The following HSP90AA1 variants were observed in gnomAD, a reference collection of about 807,000 sequenced individuals.
HSP90AA1 encodes heat shock protein HSP 90-alpha.
Under a neutral mutation model 73.3 loss-of-function variants are expected in HSP90AA1, and 18 were observed. The ratio of observed to expected loss-of-function variants is 0.25; its 90% CI spans 0.17 to 0.36. The LOEUF is 0.36. Among genes scored for constraint, HSP90AA1 ranks in the 10% least tolerant of loss-of-function variants. HSP90AA1 has a pLI of 1.00. For synonymous variants in HSP90AA1, 477 were observed against 296.9 expected, an observed-to-expected ratio of 1.61 and a Z score of -6.24; for missense variants, 704 against 874.2, an observed-to-expected ratio of 0.81 and a Z score of 2.45.
At chr14:102,083,437 G>A in intron 8 of HSP90AA1, 109 bp downstream of exon 8, 2 of 1,409,122 alleles carry the variant, frequency 1.4e-6, no homozygotes. Context: ...TAATTATCTT[G>A]CCTAGATCAA....
At chr14:102,125,213 C>T (rs1432804716) in intron 1 of HSP90AA1, among the ~76,000 whole-genome samples, 1 of 152,076 alleles carries the variant, frequency 6.6e-6, no homozygotes, top group Non-Finnish European at 1.5e-5. Context: ...AGGCTGGTCT[C>T]CAACTCCTGG....
chr14:102,132,138 A>G (rs1168115758), intron 1 of HSP90AA1, among the ~76,000 whole-genome samples: 3 of 151,962 alleles, frequency 2.0e-5, no homozygotes, highest in Non-Finnish European at 2.9e-5. Flanking sequence ...GGAGGCCGAG[A>G]CGGGCAGATC....
At chr14:102,115,955 CTTT>C (rs369667667) in intron 1 of HSP90AA1, among the ~76,000 whole-genome samples, 2 of 142,070 alleles carry the variant, frequency 1.4e-5, no homozygotes. Flanking sequence ...GACCGAGCAT[CTTT>C]TTTTTTTTTT....
At chr14:102,096,886 C>T (rs1484978923) in intron 2 of HSP90AA1, among the ~76,000 whole-genome samples, 1 of 152,126 alleles carries the variant, frequency 6.6e-6, no homozygotes, top group Non-Finnish European at 1.5e-5. Flanking sequence ...AATTATGTGA[C>T]CTCCAGTATA....
intron 1 of HSP90AA1, among the ~76,000 whole-genome samples, chr14:102,137,516 G>A (rs1595685803): frequency 6.6e-6 from 1 of 151,338 alleles, no homozygotes; most frequent in East Asian, 2.0e-4. Context: ...AGTAGAGATG[G>A]GATTTCACCA....
Position 102,083,818 on chromosome 14 carries a change from T to A in HSP90AA1, c.1313A>T (p.Tyr438Phe), listed in dbSNP as rs375399671. The A allele has an allele frequency of 3.1e-6, 5 of 1,613,516 alleles. No individual in the cohort carries two copies. Among genetic ancestry groups the A allele is most frequent in the Admixed American group, 3.3e-5 (2 of 59,956 alleles). ...AEDKENYKKF[Y>F]EQFSKNIKLG... Reference sequence around the variant, plus strand: ...CTTTATGTTTTTAGAGAACTGCTCATAGAATTTCTTGTAGTTCTCTTTATC... The same window carrying A: ...CTTTATGTTTTTAGAGAACTGCTCAAAGAATTTCTTGTAGTTCTCTTTATC... Residue 438 changes from tyrosine (Y) to phenylalanine (F), a missense_variant, in exon 7 of 11, where the codon TAT (tyrosine) becomes TTT (phenylalanine). Physicochemically the swap from Tyr to Phe is conservative, Grantham distance 22. Coordinates refer to ENST00000216281, the MANE Select transcript of HSP90AA1 (RefSeq NM_005348.4).
rs201371540 is a variant in HSP90AA1, at chr14:102,083,604, A to T, written c.1428T>A (p.Ser476=). The T allele has an allele frequency of 6.2e-7, 1 of 1,613,788 alleles. No homozygotes were observed. The highest frequency in any genetic ancestry group is 1.3e-5 in the African/African-American group (1 of 75,040). ...YTSASGDEMV[S]LKDYCTRMKE... Reference sequence around the variant, plus strand: ...TCATTCTGGTGCAGTAGTCCTTGAGAGAAACCATCTCATCACCAGAGGCAG... The same window carrying T: ...TCATTCTGGTGCAGTAGTCCTTGAGTGAAACCATCTCATCACCAGAGGCAG... Residue 476 remains serine (S), a synonymous_variant, in exon 8 of 11, where the codon TCT becomes TCA. Transcript: ENST00000216281.
At chr14:102,123,753 A>G (rs2049807768) in intron 1 of HSP90AA1, among the ~76,000 whole-genome samples, 1 of 152,144 alleles carries the variant, frequency 6.6e-6, no homozygotes, top group African/African-American at 2.4e-5. Context: ...ACTGCAGTCA[A>G]TGAAATTAAA....
At chr14:102,095,226 G>A (rs1182183813) in intron 2 of HSP90AA1, among the ~76,000 whole-genome samples, 3 of 152,206 alleles carry the variant, frequency 2.0e-5, no homozygotes, top group African/African-American at 7.2e-5. Context: ...TCCCAGGATG[G>A]CAGTCTCAGT....
At chr14:102,134,848 C>T (rs969674837) in intron 1 of HSP90AA1, among the ~76,000 whole-genome samples, 6 of 152,184 alleles carry the variant, frequency 3.9e-5, no homozygotes, top group Non-Finnish European at 7.3e-5. Flanking sequence ...CCAATGCTAG[C>T]TCGGGCAGCC....
At chr14:102,125,432 T>A (rs1204470674) in intron 1 of HSP90AA1, among the ~76,000 whole-genome samples, 3 of 152,214 alleles carry the variant, frequency 2.0e-5, no homozygotes, top group African/African-American at 7.2e-5. Flanking sequence ...ATGCAAAAAT[T>A]ATTCTCCAAG....
intron 1 of HSP90AA1, among the ~76,000 whole-genome samples, chr14:102,127,805 C>A (rs2049857545): frequency 6.6e-6 from 1 of 152,016 alleles, no homozygotes; most frequent in African/African-American, 2.4e-5. Flanking sequence ...GTGTGTGTTG[C>A]CACGCCTGGC....
In HSP90AA1 at chr14:102,081,669, A is replaced by C. The variant is rs35798224; in HGVS notation, c.*43T>G. On this transcript the variant is annotated 3_prime_UTR_variant, in exon 11 of 11. Coordinates refer to ENST00000216281, the MANE Select transcript of HSP90AA1 (RefSeq NM_005348.4). ...ATCCTTGAAAATATATTATCAGAGG[A>C]ATTGTAGAGTACTGAACAGGTAAGT... 3,312 of 842,324 alleles carry C rather than the reference A, an allele frequency of 3.9e-3. 71 individuals are homozygous for C. In the African/African-American group the frequency reaches 0.049, roughly 13 times the overall value. The allele number at this position is 842,324 out of a possible 1,614,324, so 52.2% of individuals were successfully genotyped here.
intron 1 of HSP90AA1, among the ~76,000 whole-genome samples, chr14:102,108,432 T>C (rs1328114213): frequency 2.0e-5 from 3 of 151,858 alleles, no homozygotes; most frequent in Non-Finnish European, 1.5e-5. Flanking sequence ...AGCAGTTTTT[T>C]AGTTGATTTT....
chr14:102,128,993 C>T (rs889346486), intron 1 of HSP90AA1, among the ~76,000 whole-genome samples: 3 of 151,956 alleles, frequency 2.0e-5, no homozygotes, highest in Non-Finnish European at 4.4e-5. Context: ...CTTTATGGCG[C>T]TCCCTGGACC....
chr14:102,086,347 G>C lies in HSP90AA1; in HGVS notation c.32C>G (p.Pro11Arg). Residue 11 changes from proline (P) to arginine (R), a missense_variant, in exon 2 of 11, where the codon CCG becomes CGG. Physicochemically the swap from Pro to Arg is moderately radical, Grantham distance 103. Transcript: ENST00000216281. ...CGTCTCAACCTCCTCCTCCTCCATC[G>C]GTTGGTCTTGGGTCTGGGTTTCCTC... MPEETQTQDQ[P>R]MEEEEVETFA... is the part of the protein sequence containing the mutation. 1 of 1,614,124 alleles carries C rather than the reference G, an allele frequency of 6.2e-7. No individual in the cohort carries two copies. Among genetic ancestry groups the C allele is most frequent in the Admixed American group, 1.7e-5 (1 of 60,016 alleles).
At chr14:102,139,584 C>A in exon 1 of HSP90AA1, 1 of 703,712 alleles carries the variant, frequency 1.4e-6, no homozygotes. Flanking sequence ...TCCCCCTGAC[C>A]GGCTTTCCGC....
chr14:102,120,289 G>C (rs1257470631), intron 1 of HSP90AA1, among the ~76,000 whole-genome samples: 1 of 152,110 alleles, frequency 6.6e-6, no homozygotes, highest in African/African-American at 2.4e-5. Context: ...AGCTTGGGAG[G>C]ATGAGGGTAC....
In HSP90AA1 at chr14:102,139,192, C is replaced by G; in HGVS notation, c.155+58G>C. 3 of 1,596,770 alleles carry G rather than the reference C, an allele frequency of 1.9e-6. No homozygotes were observed. In the South Asian group the frequency reaches 3.3e-5, roughly 18 times the overall value. ...CCTATGCTGTACCACATTCTTCTCT[C>G]CCCCTACCCCGCCTGAAATAAAACA... On this transcript the variant is annotated intron_variant, in intron 1 of 11. Coordinates refer to the HSP90AA1 transcript ENST00000334701.
Sources: gnomAD v4.1 joint callset for allele counts (sites outside exome capture counted in the v4.1 genomes callset) on GRCh38, gnomAD v4.1.1 for gene constraint, MANE v1.5 for transcripts, NCBI Gene and HGNC (gene_info 2026-07-23, HGNC 2026-07-21) for gene names.